The following TRDN variants were observed in gnomAD, a reference collection of about 807,000 sequenced individuals.
TRDN encodes the protein triadin in skeletal muscle.
TRDN carries 161 observed loss-of-function variants against 149.7 expected under a neutral mutation model. The observed-to-expected ratio is 1.08, with a 90% confidence interval of 0.95 to 1.23. The LOEUF is 1.23. Among genes scored for constraint, TRDN ranks in the 50% most tolerant of loss-of-function variants. The pLI, the probability that TRDN is intolerant of heterozygous loss-of-function variation, is 0.00. For missense variants in TRDN, 896 were observed against 823.5 expected (o/e 1.09, Z -1.08); for synonymous variants, 294 against 250.5 (o/e 1.17, Z -1.64).
intron 24 of TRDN, among the ~76,000 whole-genome samples, chr6:123,315,711 T>C (rs1184430150): frequency 2.6e-5 from 4 of 152,012 alleles, no homozygotes; most frequent in Admixed American, 6.6e-5. Flanking sequence ...ACAAAATACT[T>C]GAATTAGGAT....
At chr6:123,272,395 AAATT>A (rs1226302428) in intron 29 of TRDN, among the ~76,000 whole-genome samples, 1 of 151,922 alleles carries the variant, frequency 6.6e-6, no homozygotes, top group Non-Finnish European at 1.5e-5. Flanking sequence ...TCTTAAATAA[AAATT>A]AATTCATAAC....
intron 1 of TRDN, among the ~76,000 whole-genome samples, chr6:123,576,915 T>C (rs1394299845): frequency 1.3e-5 from 2 of 151,808 alleles, no homozygotes; most frequent in African/African-American, 4.8e-5. Flanking sequence ...AGGAGACATG[T>C]GACATCAGTT....
chr6:123,454,791 T>A (rs1276669069), intron 10 of TRDN, among the ~76,000 whole-genome samples: 2 of 152,176 alleles, frequency 1.3e-5, no homozygotes, highest in Non-Finnish European at 2.9e-5. Context: ...ATGCTCCTTA[T>A]GAGAATCTAA....
At chr6:123,443,293 G>A (rs570373747) in intron 10 of TRDN, among the ~76,000 whole-genome samples, 55 of 150,788 alleles carry the variant, frequency 3.6e-4, no homozygotes, top group Middle Eastern at 6.9e-3. Flanking sequence ...AAAAAAGAAA[G>A]CTTTGTTTTG....
At chr6:123,232,721 A>G (rs1775650853) in intron 38 of TRDN, among the ~76,000 whole-genome samples, 1 of 152,036 alleles carries the variant, frequency 6.6e-6, no homozygotes, top group Admixed American at 6.6e-5. Flanking sequence ...GGAATATACA[A>G]AAGAGTAAAA....
intron 2 of TRDN, among the ~76,000 whole-genome samples, chr6:123,555,607 G>A (rs1162739809): frequency 1.3e-5 from 2 of 152,090 alleles, no homozygotes; most frequent in Non-Finnish European, 2.9e-5. Context: ...TTTGGCATCT[G>A]ATAAGCCACT....
At chr6:123,408,678 CAA>C (rs577824087) in intron 12 of TRDN, among the ~76,000 whole-genome samples, 7 of 134,762 alleles carry the variant, frequency 5.2e-5, no homozygotes, top group Admixed American at 1.5e-4. Context: ...GACTTTTTCT[CAA>C]AAAAAAAAAA....
intron 1 of TRDN, among the ~76,000 whole-genome samples, chr6:123,593,617 A>AT (rs1343802380): frequency 6.6e-6 from 1 of 152,192 alleles, no homozygotes; most frequent in East Asian, 1.9e-4. Flanking sequence ...TCATGTTAAC[A>AT]TGGCATTCTT....
In TRDN at chr6:123,221,098, A is replaced by T. The variant is rs552874986; in HGVS notation, c.2050+389T>A. ...TAGAAGTGAGTTTCCAAGCAATTGA[A>T]TTGCTAAAACCTATTTCTTCATTTT... On this transcript the variant is annotated intron_variant, in intron 40 of 40. Transcript: ENST00000334268. 2.6e-5 allele frequency among the ~76,000 whole-genome samples: 4 copies of T among 151,904 alleles called. No homozygotes were observed. In the East Asian group the frequency reaches 7.8e-4, roughly 30 times the overall value.
intron 9 of TRDN, among the ~76,000 whole-genome samples, chr6:123,465,906 T>C (rs1251990552): frequency 6.6e-6 from 1 of 152,212 alleles, no homozygotes; most frequent in African/African-American, 2.4e-5. Context: ...TTTCCTTTTT[T>C]AGAATTCACC....
Position 123,255,097 on chromosome 6 carries a change from TA to T in TRDN, c.1934del (p.Leu645TyrfsTer4). 1 of 1,380,144 alleles carries T rather than the reference TA, an allele frequency of 7.2e-7. No homozygotes were observed. Among genetic ancestry groups the T allele is most frequent in the Non-Finnish European group, 9.9e-7 (1 of 1,013,692 alleles). The allele number at this position is 1,380,144 out of a possible 1,614,324, so 85.5% of individuals were successfully genotyped here. ...KVSTRKESLQLHNVTKAEKPA... is the reference protein window; with the variant it reads ...KVSTRKESLQXHNVTKAEKPA... ...CAAGATTACCTTTTGTCACATTGTG[TA>T]ATTGAAGACTTTCTTTTCTTGTTGA... On this transcript the variant is annotated frameshift_variant, in exon 37 of 41. Coordinates refer to ENST00000334268, the MANE Select transcript of TRDN (RefSeq NM_006073.4). LOFTEE classifies it high-confidence loss of function.
rs11154156 is a variant in TRDN at position 123,417,677 on chromosome 6, C to G, written c.1051+20386G>C. Among the ~76,000 whole-genome samples the G allele has an allele frequency of 6.9e-3, 1,054 of 152,264 alleles. 9 individuals carry two copies. The highest frequency in any genetic ancestry group is 0.024 in the African/African-American group (1,016 of 41,564). On this transcript the variant is annotated intron_variant, in intron 12 of 40. Coordinates refer to ENST00000334268, the MANE Select transcript of TRDN (RefSeq NM_006073.4). ...TAAATGCACAATGTCAAAGGCAGAG[C>G]ACATGCATTCAACCTGTGCAAAAAG...
intron 37 of TRDN, among the ~76,000 whole-genome samples, chr6:123,253,016 A>G (rs879807564): frequency 7.9e-5 from 12 of 152,148 alleles, no homozygotes; most frequent in Admixed American, 2.6e-4. Context: ...CCAAGACTTT[A>G]TAAAATATAT....
chr6:123,286,568 G>C lies in TRDN; in HGVS notation c.1511-7486C>G, dbSNP rs186289864. 3.9e-5 allele frequency among the ~76,000 whole-genome samples: 6 copies of C among 151,954 alleles called. No homozygotes were observed. The East Asian group carries it at 1.2e-3, about 29-fold the overall frequency. On this transcript the variant is annotated intron_variant, in intron 24 of 40. Coordinates refer to ENST00000334268, the MANE Select transcript of TRDN (RefSeq NM_006073.4). ...GTGAGGGATAAAAGACTACAAATTG[G>C]GTTCAGTGTATACTGCTCGGGTGAT...
At chr6:123,489,749 T>A (rs1583134229) in intron 9 of TRDN, 1 of 152,176 alleles carries the variant, frequency 6.6e-6, no homozygotes, top group East Asian at 1.9e-4. Flanking sequence ...AGCAGAATAA[T>A]GAAATTGCCT....
chr6:123,248,381 AC>A (rs1334133888), intron 38 of TRDN, among the ~76,000 whole-genome samples: 1 of 152,016 alleles, frequency 6.6e-6, no homozygotes, highest in Non-Finnish European at 1.5e-5. Context: ...ACATGGTGAG[AC>A]CCTGTCTCTA....
intron 2 of TRDN, among the ~76,000 whole-genome samples, chr6:123,570,715 T>C (rs772291214): frequency 1.1e-4 from 17 of 152,104 alleles, no homozygotes; most frequent in East Asian, 3.8e-4. Context: ...ATCAATTTCA[T>C]TGGAAATCAA....
intron 24 of TRDN, among the ~76,000 whole-genome samples, chr6:123,285,685 G>A (rs1033035293): frequency 2.6e-5 from 4 of 151,918 alleles, no homozygotes; most frequent in African/African-American, 9.7e-5. Context: ...TGATAAATCG[G>A]TGGGACTTAA....
intron 8 of TRDN, chr6:123,502,209 C>G: frequency 1.0e-6 from 1 of 983,738 alleles, no homozygotes; most frequent in East Asian, 1.1e-4. Flanking sequence ...AAGATTATTT[C>G]TGCTGTTTTT....
Sources: gnomAD v4.1 joint callset for allele counts (sites outside exome capture counted in the v4.1 genomes callset) on GRCh38, gnomAD v4.1.1 for gene constraint, MANE v1.5 for transcripts, NCBI Gene and HGNC (gene_info 2026-07-23, HGNC 2026-07-21) for gene names.